KDM4C: variants seen among roughly 807,000 people sequenced by gnomAD.
The protein encoded by KDM4C is lysine demethylase 4C.
Under a neutral mutation model 129.3 loss-of-function variants are expected in KDM4C, and 81 were observed. The ratio of observed to expected loss-of-function variants is 0.63; its 90% CI spans 0.52 to 0.75. The LOEUF (loss-of-function observed/expected upper bound fraction) is 0.75. Ranked by LOEUF, KDM4C falls within the 30% of genes least tolerant of loss-of-function variation. KDM4C has a pLI of 0.00. For missense variants in KDM4C, 1,457 were observed against 1,304.0 expected (o/e 1.12, Z -1.81); for synonymous variants, 573 against 456.1 (o/e 1.26, Z -3.26).
At chr9:6,985,758 A>G (rs1432137774) in intron 10 of KDM4C, among the ~76,000 whole-genome samples, 1 of 152,088 alleles carries the variant, frequency 6.6e-6, no homozygotes, top group Non-Finnish European at 1.5e-5. Flanking sequence ...TGGCACAATC[A>G]TAGCTCCCTG....
intron 12 of KDM4C, among the ~76,000 whole-genome samples, chr9:6,992,990 G>A (rs1315897252): frequency 6.6e-6 from 1 of 152,178 alleles, no homozygotes; most frequent in African/African-American, 2.4e-5. Context: ...CCACTTGTAC[G>A]TTGCTATTCT....
chr9:6,903,307 G>T (rs1817720515), intron 8 of KDM4C, among the ~76,000 whole-genome samples: 1 of 152,102 alleles, frequency 6.6e-6, no homozygotes, highest in South Asian at 2.1e-4. Context: ...TTGTTTCTTT[G>T]AAGGTAAATA....
chr9:6,978,159 C>G (rs1446207749), intron 8 of KDM4C, among the ~76,000 whole-genome samples: 1 of 152,150 alleles, frequency 6.6e-6, no homozygotes, highest in Non-Finnish European at 1.5e-5. Context: ...GATGGAGAAA[C>G]TGAGGCACAG....
intron 20 of KDM4C, among the ~76,000 whole-genome samples, chr9:7,169,408 T>C (rs905324024): frequency 6.6e-6 from 1 of 152,214 alleles, no homozygotes; most frequent in Admixed American, 6.5e-5. Flanking sequence ...CGATCTCAGC[T>C]CACTACAACC....
At chr9:6,782,280 A>G (rs978140385) in intron 1 of KDM4C, among the ~76,000 whole-genome samples, 3 of 152,192 alleles carry the variant, frequency 2.0e-5, no homozygotes, top group African/African-American at 7.2e-5. Flanking sequence ...GTCAACGTGT[A>G]AGATAAAGTT....
chr9:6,931,421 A>T (rs1260848590), intron 8 of KDM4C, among the ~76,000 whole-genome samples: 1 of 152,216 alleles, frequency 6.6e-6, no homozygotes, highest in Non-Finnish European at 1.5e-5. Flanking sequence ...AAGAATGGCC[A>T]TCAACTAAAC....
intron 19 of KDM4C, among the ~76,000 whole-genome samples, chr9:7,161,587 T>G (rs1843799375): frequency 6.6e-6 from 1 of 152,186 alleles, no homozygotes; most frequent in Non-Finnish European, 1.5e-5. Context: ...GCAAGGACCC[T>G]GAAGACCTGC....
chr9:7,044,791 G>A (rs1249390040), intron 15 of KDM4C, among the ~76,000 whole-genome samples: 8 of 151,960 alleles, frequency 5.3e-5, no homozygotes, highest in Non-Finnish European at 1.5e-5. Context: ...ATGCTCAGCA[G>A]GCATGTGTGG....
At chr9:6,945,592 C>G (rs936154850) in intron 8 of KDM4C, among the ~76,000 whole-genome samples, 3 of 152,040 alleles carry the variant, frequency 2.0e-5, no homozygotes, top group Non-Finnish European at 4.4e-5. Flanking sequence ...AATTTATAAT[C>G]TGAGAATTTA....
At chr9:6,886,725 C>G (rs1845338883) in intron 6 of KDM4C, among the ~76,000 whole-genome samples, 1 of 152,108 alleles carries the variant, frequency 6.6e-6, no homozygotes, top group Admixed American at 6.6e-5. Flanking sequence ...AACTCCTGAC[C>G]TTGTGGACCA....
intron 1 of KDM4C, among the ~76,000 whole-genome samples, chr9:6,740,392 AT>A (rs1347570089): frequency 6.6e-6 from 1 of 151,490 alleles, no homozygotes; most frequent in African/African-American, 2.4e-5. Flanking sequence ...TTTAGTAGAG[AT>A]GGGGTTTCAC....
intron 2 of KDM4C, among the ~76,000 whole-genome samples, chr9:6,803,449 A>G (rs903846054): frequency 6.6e-6 from 1 of 151,886 alleles, no homozygotes; most frequent in African/African-American, 2.4e-5. Context: ...GCGCACCTGT[A>G]GTCCCAGCTA....
chr9:6,936,811 A>T (rs999169115), intron 8 of KDM4C, among the ~76,000 whole-genome samples: 1 of 152,220 alleles, frequency 6.6e-6, no homozygotes, highest in East Asian at 1.9e-4. Context: ...TAGCTAAGTA[A>T]CTTATCTCCT....
At position 7,006,131 on chromosome 9, in the gene KDM4C, AC is replaced by A. The variant is rs749352441; in HGVS notation, c.1787-5565del. 5.3e-5 allele frequency among the ~76,000 whole-genome samples: 8 copies of A among 152,332 alleles called. No individual in the cohort carries two copies. In the East Asian group the frequency reaches 1.5e-3, roughly 29 times the overall value. On this transcript the variant is annotated intron_variant, in intron 12 of 21. Transcript: ENST00000381309. ...CTAACAACATCTCAGTGTGACCCTC[AC>A]CTTGGGAAGTTTTATTAATCTGCAG...
rs933099144 is a variant in KDM4C, at chr9:6,859,929, G to C, written c.629+10229G>C. Among the ~76,000 whole-genome samples, 6 of 151,066 alleles carry C rather than the reference G, an allele frequency of 4.0e-5. No homozygotes were observed. In the Middle Eastern group the frequency reaches 0.014, roughly 352 times the overall value. On this transcript the variant is annotated intron_variant, in intron 5 of 21. Coordinates refer to ENST00000381309, the MANE Select transcript of KDM4C (RefSeq NM_015061.6). Reference sequence around the variant, plus strand: ...TAAAGGTTTATCTAGTTATTAATAAGTCTTGCAGTTGGGATTCAGACTATT... The same window carrying C: ...TAAAGGTTTATCTAGTTATTAATAACTCTTGCAGTTGGGATTCAGACTATT...
rs1239200267 is a variant in KDM4C at position 6,986,656 on chromosome 9, A to G, written c.1667A>G (p.Lys556Arg). 5 of 1,605,754 alleles carry G rather than the reference A, an allele frequency of 3.1e-6. No individual in the cohort carries two copies. The highest frequency in any genetic ancestry group is 2.2e-5 in the East Asian group (1 of 44,696). Residue 556 changes from lysine to arginine, a missense_variant, in exon 11 of 22, where the codon AAA becomes AGA. Coordinates refer to ENST00000381309, the MANE Select transcript of KDM4C (RefSeq NM_015061.6). ...CCCAGTGGAGAGAGAAATAGCTTCA[A>G]AGTCCCCAGTGTATGTGGCAATATC... is the stretch of plus-strand genomic sequence containing the variant. ...AVPSGERNSFKVPSIAEGENK... is the reference protein window; with the variant it reads ...AVPSGERNSFRVPSIAEGENK...
chr9:7,127,061 TTGGATGGA>T (rs778741639), intron 18 of KDM4C, among the ~76,000 whole-genome samples: 5 of 151,890 alleles, frequency 3.3e-5, no homozygotes, highest in African/African-American at 1.2e-4. Flanking sequence ...GGATGGATGG[TTGGATGGA>T]TGGATGGGTG....
chr9:6,749,550 C>T (rs1818001587), intron 1 of KDM4C, among the ~76,000 whole-genome samples: 1 of 152,010 alleles, frequency 6.6e-6, no homozygotes, highest in Non-Finnish European at 1.5e-5. Flanking sequence ...TGCCTGTGGT[C>T]CCAGCTACTT....
In KDM4C at chr9:6,835,219, T is replaced by C. The variant is rs557807889; in HGVS notation, c.436-14288T>C. Reference sequence around the variant, plus strand: ...CACCATCGGCAACGAGCAGTTCTGCTGCCCTGAGGCACTCTTCCAGCTTTC... The same window carrying C: ...CACCATCGGCAACGAGCAGTTCTGCCGCCCTGAGGCACTCTTCCAGCTTTC... On this transcript the variant is annotated intron_variant, in intron 4 of 21. Coordinates refer to ENST00000381309, the MANE Select transcript of KDM4C (RefSeq NM_015061.6). 4.4e-4 allele frequency: 401 copies of C among 912,776 alleles called. 1 individual carries two copies. The highest frequency in any genetic ancestry group is 6.9e-4 in the Non-Finnish European group (376 of 541,144). The allele number at this position is 912,776 out of a possible 1,614,324, so 56.5% of individuals were successfully genotyped here. A position where few individuals can be genotyped will look rare whatever the true frequency, so the allele number is the denominator to read the frequency against.
Sources: gnomAD v4.1 joint callset for allele counts (sites outside exome capture counted in the v4.1 genomes callset) on GRCh38, gnomAD v4.1.1 for gene constraint, MANE v1.5 for transcripts, NCBI Gene and HGNC (gene_info 2026-07-23, HGNC 2026-07-21) for gene names.